Variants in AUH observed in about 807,000 individuals in gnomAD.
AUH encodes the protein methylglutaconyl-CoA hydratase, mitochondrial.
Under a neutral mutation model 42.3 loss-of-function variants are expected in AUH, and 29 were observed. The ratio of observed to expected loss-of-function variants is 0.69; its 90% CI spans 0.51 to 0.93. AUH has a LOEUF of 0.93. Ranked by LOEUF, AUH falls within the 40% of genes least tolerant of loss-of-function variation. The pLI, the probability that AUH is intolerant of heterozygous loss-of-function variation, is 0.00. For missense variants in AUH, 452 were observed against 438.1 expected (o/e 1.03, Z -0.28); for synonymous variants, 174 against 166.4 (o/e 1.05, Z -0.35).
chr9:91,251,086 G>A (rs552333832), intron 6 of AUH, among the ~76,000 whole-genome samples: 8 of 152,250 alleles, frequency 5.3e-5, no homozygotes, highest in African/African-American at 1.9e-4. Flanking sequence ...GGTTACCGAC[G>A]TACCACAAAG....
At chr9:91,255,781 T>C (rs1829375394) in intron 6 of AUH, among the ~76,000 whole-genome samples, 1 of 152,172 alleles carries the variant, frequency 6.6e-6, no homozygotes, top group African/African-American at 2.4e-5. Flanking sequence ...GCTAACTTGG[T>C]ACACAGCAAA....
chr9:91,255,086 A>G (rs1829338147), intron 6 of AUH, among the ~76,000 whole-genome samples: 1 of 152,208 alleles, frequency 6.6e-6, no homozygotes, highest in Middle Eastern at 3.2e-3. Flanking sequence ...ATATATTTAA[A>G]AAGTTCTCAT....
intron 6 of AUH, among the ~76,000 whole-genome samples, chr9:91,231,065 TG>T (rs1442902592): frequency 3.3e-5 from 5 of 152,294 alleles, no homozygotes; most frequent in Non-Finnish European, 7.4e-5. Flanking sequence ...CCTTGAGCTG[TG>T]GTGGGCTCTA....
chr9:91,244,386 T>G lies in AUH; in HGVS notation c.656-23394A>C, dbSNP rs1205182298. On this transcript the variant is annotated intron_variant, in intron 6 of 9. Transcript: ENST00000375731. ...CAAAATTGGCCACCTGTAGACTTCC[T>G]AGTTACTGAATTTGCACATAAACTT... Among the ~76,000 whole-genome samples, 4 of 152,352 alleles carry G rather than the reference T, an allele frequency of 2.6e-5. No homozygotes were observed. The East Asian group carries it at 7.7e-4, about 29-fold the overall frequency.
At chr9:91,294,338 A>C (rs899731179) in intron 6 of AUH, among the ~76,000 whole-genome samples, 4 of 152,218 alleles carry the variant, frequency 2.6e-5, no homozygotes, top group African/African-American at 4.8e-5. Context: ...TCATGAGGTC[A>C]AGAGATCAAG....
rs1358353893 is a variant in AUH, at chr9:91,244,569, T to C, written c.656-23577A>G. Among the ~76,000 whole-genome samples the C allele has an allele frequency of 5.9e-5, 9 of 152,214 alleles. No homozygotes were observed. The East Asian group carries it at 7.7e-4, about 13-fold the overall frequency. ...CATATAAATGTTGACACTTTTTCCT[T>C]CCCATCCACATCTCCCAACTAGCTT... On this transcript the variant is annotated intron_variant, in intron 6 of 9. Transcript: ENST00000375731.
At chr9:91,334,546 T>C (rs966160492) in intron 3 of AUH, among the ~76,000 whole-genome samples, 1 of 152,332 alleles carries the variant, frequency 6.6e-6, no homozygotes, top group Non-Finnish European at 1.5e-5. Context: ...CACCACCAGC[T>C]TTCCTGGGTC....
intron 6 of AUH, among the ~76,000 whole-genome samples, chr9:91,267,903 G>A (rs3827826): frequency 0.11 from 17,450 of 152,120 alleles, 1,132 homozygotes; most frequent in African/African-American, 0.17. Context: ...CGGATTTGCT[G>A]GTTCCAGCCC....
At chr9:91,295,040 C>T (rs752275559) in intron 6 of AUH, among the ~76,000 whole-genome samples, 3 of 152,206 alleles carry the variant, frequency 2.0e-5, no homozygotes, top group Non-Finnish European at 4.4e-5. Context: ...TTCCCCCATA[C>T]TATTCTCGTC....
At chr9:91,262,838 G>A (rs1458075920) in intron 6 of AUH, among the ~76,000 whole-genome samples, 2 of 152,122 alleles carry the variant, frequency 1.3e-5, no homozygotes, top group African/African-American at 4.8e-5. Context: ...GTTTCTGCCA[G>A]GATGAAAAAA....
chr9:91,264,671 C>A (rs1276660433), intron 6 of AUH, among the ~76,000 whole-genome samples: 2 of 152,130 alleles, frequency 1.3e-5, no homozygotes, highest in Non-Finnish European at 2.9e-5. Flanking sequence ...AATCCCAGCA[C>A]TTTGGGAGCC....
chr9:91,337,769 T>C (rs975877965), intron 3 of AUH, among the ~76,000 whole-genome samples: 10 of 152,208 alleles, frequency 6.6e-5, no homozygotes, highest in African/African-American at 2.4e-4. Flanking sequence ...GATGACATAT[T>C]AGAAATGATT....
chr9:91,273,736 GC>G lies in AUH; in HGVS notation c.655+22284del, dbSNP rs569302146. 6.8e-4 allele frequency among the ~76,000 whole-genome samples: 103 copies of G among 152,228 alleles called. No individual in the cohort carries two copies. The South Asian group carries it at 0.021, about 32-fold the overall frequency. On this transcript the variant is annotated intron_variant, in intron 6 of 9. Coordinates refer to ENST00000375731, the MANE Select transcript of AUH (RefSeq NM_001698.3). ...ATCAGTAAAAAATAATTACACAGTG[GC>G]CCCCAAACCAGGCATTGGCAGGGGG... is the stretch of plus-strand genomic sequence containing the variant.
chr9:91,288,702 G>A (rs190843977), intron 6 of AUH, among the ~76,000 whole-genome samples: 44 of 152,104 alleles, frequency 2.9e-4, no homozygotes, highest in Non-Finnish European at 4.6e-4. Context: ...AAGGAGGTTC[G>A]ATTTTGTTTT....
intron 4 of AUH, among the ~76,000 whole-genome samples, chr9:91,302,101 C>T (rs1360904502): frequency 6.6e-6 from 1 of 151,990 alleles, no homozygotes; most frequent in Non-Finnish European, 1.5e-5. Flanking sequence ...TGCATCATCT[C>T]AAAGCACATG....
At chr9:91,329,093 T>TATTCCACTGTATGAACA (rs2131885914) in intron 3 of AUH, among the ~76,000 whole-genome samples, 1 of 152,332 alleles carries the variant, frequency 6.6e-6, no homozygotes, top group South Asian at 2.1e-4. Context: ...AAGCATGAAG[T>TATTCCACTGTATGAACA]ATTCCACTGT....
At chr9:91,296,105 T>TC (rs779440910) in intron 5 of AUH, 28 bp from the exon 6 acceptor site, 8 of 1,601,476 alleles carry the variant, frequency 5.0e-6, no homozygotes, top group Non-Finnish European at 6.0e-6. Flanking sequence ...AAATTAAGTA[T>TC]CATCCATATC....
Position 91,315,331 on chromosome 9 carries a change from G to A in AUH, c.505+9987C>T, listed in dbSNP as rs115404890. Among the ~76,000 whole-genome samples, 978 of 152,268 alleles carry A rather than the reference G, an allele frequency of 6.4e-3. 10 individuals are homozygous for A. The highest frequency in any genetic ancestry group is 0.022 in the African/African-American group (917 of 41,542). ...TGTTACACATGGGTCCCACGGAAAG[G>A]CCTGAAGCTCAAATGCGCATGTGCC... On this transcript the variant is annotated intron_variant, in intron 4 of 9. Transcript: ENST00000375731.
At chr9:91,218,372 TAATC>T (rs1826947009) in intron 7 of AUH, among the ~76,000 whole-genome samples, 1 of 152,240 alleles carries the variant, frequency 6.6e-6, no homozygotes, top group African/African-American at 2.4e-5. Flanking sequence ...TTTTTCATGA[TAATC>T]AATCCATTTT....
Sources: gnomAD v4.1 joint callset for allele counts (sites outside exome capture counted in the v4.1 genomes callset) on GRCh38, gnomAD v4.1.1 for gene constraint, MANE v1.5 for transcripts, NCBI Gene and HGNC (gene_info 2026-07-23, HGNC 2026-07-21) for gene names.